Variants in MYH14 observed in about 807,000 individuals in gnomAD.
MYH14 encodes the protein myosin-14.
In MYH14, 123 loss-of-function variants were observed where a neutral mutation model predicts 255.5. That is an observed-to-expected ratio of 0.48 (90% CI 0.42 to 0.56). The LOEUF is 0.56. Ranked by LOEUF, MYH14 falls within the 20% of genes least tolerant of loss-of-function variation. MYH14 has a pLI of 0.00. For synonymous variants in MYH14, 1,095 were observed against 1,161.2 expected (o/e 0.94, Z 1.16); for missense variants, 2,423 against 2,802.3 (o/e 0.86, Z 3.06).
In MYH14 at chr19:50,224,281, C is replaced by T. The variant is rs182593023; in HGVS notation, c.717+104C>T. On this transcript the variant is annotated intron_variant, in intron 6 of 42. Transcript: ENST00000642316. ...ACAGGGCCCAAGGCAGCAGTGGTCCCACCTGCCAGGGACCCCTCTGCCCCA... is the reference window on the plus strand; with the variant it reads ...ACAGGGCCCAAGGCAGCAGTGGTCCTACCTGCCAGGGACCCCTCTGCCCCA... 1.0e-3 allele frequency: 1,559 copies of T among 1,496,612 alleles called. 1 individual carries two copies. The highest frequency in any genetic ancestry group is 1.4e-3 in the Non-Finnish European group (1,451 of 1,073,392). The allele number at this position is 1,496,612 out of a possible 1,614,324, so 92.7% of individuals were successfully genotyped here.
intron 32 of MYH14, among the ~76,000 whole-genome samples, 154 bp from the exon 33 acceptor site, chr19:50,281,440 A>G (rs892793398): frequency 2.0e-5 from 3 of 152,092 alleles, no homozygotes; most frequent in African/African-American, 7.2e-5. Flanking sequence ...AGTATTCACA[A>G]CTTCACACCA....
intron 10 of MYH14, among the ~76,000 whole-genome samples, chr19:50,238,498 G>A (rs1420201552): frequency 6.6e-6 from 1 of 152,128 alleles, no homozygotes; most frequent in Non-Finnish European, 1.5e-5. Flanking sequence ...CCAGGCTGGA[G>A]CAGAGTGCGG....
intron 7 of MYH14, 80 bp from the exon 8 acceptor site, chr19:50,226,823 T>G (rs1463513485): frequency 7.5e-7 from 1 of 1,325,488 alleles, no homozygotes; most frequent in Non-Finnish European, 1.1e-6. Context: ...GAGCAGTGGG[T>G]GTGGGGTTTG....
At chr19:50,238,537 C>T (rs1378798575) in intron 10 of MYH14, among the ~76,000 whole-genome samples, 1 of 152,092 alleles carries the variant, frequency 6.6e-6, no homozygotes, top group Non-Finnish European at 1.5e-5. Flanking sequence ...CTCCAACCTC[C>T]ACCTCCCTGG....
In MYH14 at chr19:50,309,842, C is replaced by T; in HGVS notation, c.*52C>T. 1 of 1,541,424 alleles carries T rather than the reference C, an allele frequency of 6.5e-7. No homozygotes were observed. Among genetic ancestry groups the T allele is most frequent in the Non-Finnish European group, 8.8e-7 (1 of 1,137,310 alleles). On this transcript the variant is annotated 3_prime_UTR_variant, in exon 43 of 43. Coordinates refer to ENST00000642316, the MANE Select transcript of MYH14 (RefSeq NM_001145809.2). ...CAGATGGGGCCCAGCCCCCTTCCTC[C>T]CTGGACCCCACGGGCCCCTGTCCCA...
chr19:50,255,794 A>C (rs2034570681), intron 17 of MYH14, among the ~76,000 whole-genome samples: 1 of 151,690 alleles, frequency 6.6e-6, no homozygotes, highest in Admixed American at 6.6e-5. Flanking sequence ...AATGACAGGG[A>C]GTACGGGGTA....
rs941033935 is a variant in MYH14, at chr19:50,250,124, G to T, written c.1656+301G>T. Among the ~76,000 whole-genome samples, 1 of 152,022 alleles carries T rather than the reference G, an allele frequency of 6.6e-6. No homozygotes were observed. Among genetic ancestry groups the T allele is most frequent in the Admixed American group, 6.6e-5 (1 of 15,262 alleles). Reference sequence around the variant, plus strand: ...TTTTGTTTTGTTTTTTTCTTGAGACGGAGTCTCGCTCTATCGCCCAGGCTG... The same window carrying T: ...TTTTGTTTTGTTTTTTTCTTGAGACTGAGTCTCGCTCTATCGCCCAGGCTG... On this transcript the variant is annotated intron_variant, in intron 14 of 42. Transcript: ENST00000642316. This position sits in a 1 kb window ranked among gnomAD's most constrained non-coding sequence, Gnocchi z 5.4.
chr19:50,293,264 A>G lies in MYH14; in HGVS notation c.5288A>G (p.Gln1763Arg). The change falls in exon 38 of 43, where the codon CAG becomes CGG. Residue 1763 changes from glutamine (Q) to arginine (R), a missense_variant. By Grantham distance (43) the Gln-to-Arg change is conservative (BLOSUM62 1). Transcript: ENST00000642316. This position sits in a 1 kb window ranked among gnomAD's most constrained non-coding sequence, Gnocchi z 4.1. ...GCCGCCTCGGACCGTGCTCGGCGGC[A>G]GGCCCAGCAGGACCGGGATGAGATG... The part of the protein sequence containing the change: ...ELAASDRARR[Q>R]AQQDRDEMAD... The G allele has an allele frequency of 1.2e-6, 2 of 1,609,796 alleles. No homozygotes were observed. The highest frequency in any genetic ancestry group is 1.7e-6 in the Non-Finnish European group (2 of 1,178,338).
rs753356694 is a variant in MYH14, at chr19:50,263,325, C to G, written c.2599C>G (p.Arg867Gly). ...TTCCCCACCCAGGGCCTTCCAGAAG[C>G]GCCAGCAGCAGCAGAGCGCCCTGAG... ...GYLARRAFQK[R>G]QQQQSALRVM... The change falls in exon 22 of 43, where the codon CGC becomes GGC. Residue 867 changes from arginine (R) to glycine (G), a missense_variant. Arg to Gly is a moderately radical substitution (Grantham distance 125). This residue lies in a region of MYH14 where 1,513 missense variants were observed against 1,674.8 expected (regional missense o/e 0.90). Transcript: ENST00000642316. 1.3e-6 allele frequency: 2 copies of G among 1,560,888 alleles called. No individual in the cohort carries two copies. The highest frequency in any genetic ancestry group is 1.4e-5 in the African/African-American group (1 of 73,400).
intron 27 of MYH14, among the ~76,000 whole-genome samples, chr19:50,274,860 A>G (rs1008827995): frequency 6.6e-6 from 1 of 151,142 alleles, no homozygotes; most frequent in African/African-American, 2.4e-5. Context: ...GAACCTGGGA[A>G]GTCGAGGCTG....
rs1188311910 is a variant in MYH14, at chr19:50,272,633, A to T, written c.3369A>T (p.Ser1123=). 1 of 1,574,076 alleles carries T rather than the reference A, an allele frequency of 6.4e-7. No homozygotes were observed. Among genetic ancestry groups the T allele is most frequent in the Non-Finnish European group, 8.6e-7 (1 of 1,160,666 alleles). ...KLKRRLDGES[S]ELQEQMVEQQ... ...AGCGGAGGCTGGATGGGGAGAGCTC[A>T]GAGCTGCAGGAGCAGATGGTGGAGC... Residue 1123 remains serine (S), a synonymous_variant, in exon 27 of 43, where the codon TCA becomes TCT. Transcript: ENST00000642316.
At chr19:50,300,692 T>G (rs950583808) in intron 39 of MYH14, among the ~76,000 whole-genome samples, 4 of 152,302 alleles carry the variant, frequency 2.6e-5, no homozygotes, top group African/African-American at 7.2e-5. Flanking sequence ...GAGGTTGCAG[T>G]GAGCTGAGAT....
At chr19:50,284,836 T>C (rs1394111046) in intron 33 of MYH14, 1 of 151,986 alleles carries the variant, frequency 6.6e-6, no homozygotes, top group Non-Finnish European at 1.5e-5. Flanking sequence ...CCAACACTGC[T>C]CTCCACTGAC....
At chr19:50,227,452 AC>A (rs1332285000) in intron 8 of MYH14, among the ~76,000 whole-genome samples, 2 of 151,740 alleles carry the variant, frequency 1.3e-5, no homozygotes, top group Non-Finnish European at 2.9e-5. Flanking sequence ...CCCCGCCTGC[AC>A]CCCCCGTCCC....
chr19:50,267,019 G>A lies in MYH14; in HGVS notation c.2826+11G>A, dbSNP rs766128545. Reference sequence around the variant, plus strand: ...GGCCGAGTGGCACAGGTGAGGGGGCGGGGGCAGGGCGTGGGGGCGTGTCTT... The same window carrying A: ...GGCCGAGTGGCACAGGTGAGGGGGCAGGGGCAGGGCGTGGGGGCGTGTCTT... On this transcript the variant is annotated intron_variant, in intron 23 of 42. Coordinates refer to ENST00000642316, the MANE Select transcript of MYH14 (RefSeq NM_001145809.2). 1 of 1,549,076 alleles carries A rather than the reference G, an allele frequency of 6.5e-7. No individual in the cohort carries two copies. The highest frequency in any genetic ancestry group is 1.9e-5 in the Admixed American group (1 of 51,834).
intron 16 of MYH14, among the ~76,000 whole-genome samples, chr19:50,253,096 G>A (rs939409208): frequency 3.9e-5 from 6 of 152,028 alleles, no homozygotes; most frequent in Non-Finnish European, 7.4e-5. Context: ...TATGAATATC[G>A]AACAGGAAGA....
chr19:50,293,647 C>G lies in MYH14; in HGVS notation c.5429C>G (p.Ser1810Trp). Residue 1810 changes from serine (S) to tryptophan (W), a missense_variant, in exon 39 of 43, where the codon TCG becomes TGG. Transcript: ENST00000642316. The surrounding 1 kb of genome is among the most constrained non-coding windows in gnomAD (Gnocchi z 4.1). ...GAGCTGGAGGAGGAGCAGAGCAACT[C>G]GGAGCTGCTCAATGACCGCTACCGC... ...EEELEEEQSN[S>W]ELLNDRYRKL... 6.2e-7 allele frequency: 1 copy of G among 1,608,300 alleles called. No homozygotes were observed. Among genetic ancestry groups the G allele is most frequent in the Non-Finnish European group, 8.5e-7 (1 of 1,177,290 alleles).
rs191753226 is a variant in MYH14 at position 50,224,027 on chromosome 19, C to T, written c.694-127C>T. The T allele has an allele frequency of 1.5e-3, 1,099 of 713,264 alleles. 10 individuals are homozygous for T. The highest frequency in any genetic ancestry group is 4.1e-3 in the South Asian group (263 of 63,648). 44.2% of individuals were successfully genotyped at this position (713,264 alleles called of 1,614,324 possible). Reference sequence around the variant, plus strand: ...TCCAGGCCACCCTACTCCACATGCCCGGTTTCCCCAGTCCCCCTTCCCCCA... The same window carrying T: ...TCCAGGCCACCCTACTCCACATGCCTGGTTTCCCCAGTCCCCCTTCCCCCA... On this transcript the variant is annotated intron_variant, in intron 5 of 42. Transcript: ENST00000642316.
intron 5 of MYH14, among the ~76,000 whole-genome samples, chr19:50,223,562 C>T (rs373248452): frequency 3.5e-4 from 54 of 152,352 alleles, no homozygotes; most frequent in Admixed American, 1.3e-3. Flanking sequence ...CACTGGCTCT[C>T]GGAATGGCTC....
Sources: allele counts gnomAD v4.1 joint callset (sites outside exome capture counted in the v4.1 genomes callset), GRCh38; gene constraint gnomAD v4.1.1; regional missense constraint gnomAD v4.1.1; non-coding constraint Gnocchi (gnomAD v3.1); transcripts MANE v1.5; gene names NCBI Gene and HGNC (gene_info 2026-07-23, HGNC 2026-07-21).